FBXW7: variants seen among roughly 807,000 people sequenced by gnomAD.
The protein encoded by FBXW7 is F-box/WD repeat-containing protein 7.
Under a neutral mutation model 86.3 loss-of-function variants are expected in FBXW7, and 11 were observed. The observed-to-expected ratio is 0.13, with a 90% CI of 0.08 to 0.21. The LOEUF is 0.21. Ranked by LOEUF, FBXW7 falls within the 10% of genes least tolerant of loss-of-function variation. The pLI, the probability that FBXW7 is intolerant of heterozygous loss-of-function variation, is 1.00. For missense variants in FBXW7, 488 were observed against 847.4 expected, an observed-to-expected ratio of 0.58 and a Z score of 5.27; for synonymous variants, 313 against 297.9, an observed-to-expected ratio of 1.05 and a Z score of -0.52.
chr4:152,391,361 T>G (rs1352574041), intron 4 of FBXW7, among the ~76,000 whole-genome samples: 3 of 152,180 alleles, frequency 2.0e-5, no homozygotes, highest in Non-Finnish European at 4.4e-5. Flanking sequence ...CAATGTTATT[T>G]TTTGTAGCTG....
chr4:152,520,497 A>T (rs930526109), intron 2 of FBXW7, among the ~76,000 whole-genome samples: 2 of 151,800 alleles, frequency 1.3e-5, no homozygotes, highest in African/African-American at 4.8e-5. Context: ...CTAGTAGGTC[A>T]CTTCTTCACC....
At chr4:152,413,662 A>G (rs373813116) in intron 2 of FBXW7, among the ~76,000 whole-genome samples, 43 of 152,238 alleles carry the variant, frequency 2.8e-4, no homozygotes, top group African/African-American at 1.0e-3. Flanking sequence ...AATCACTACA[A>G]TACTCAAAGA....
At chr4:152,422,100 A>C (rs1484519412) in intron 2 of FBXW7, among the ~76,000 whole-genome samples, 2 of 152,156 alleles carry the variant, frequency 1.3e-5, no homozygotes, top group Non-Finnish European at 2.9e-5. Context: ...AAAAAATCAG[A>C]AGCAAAGTGC....
intron 4 of FBXW7, among the ~76,000 whole-genome samples, chr4:152,393,392 A>G (rs886791532): frequency 6.6e-6 from 1 of 151,898 alleles, no homozygotes; most frequent in Admixed American, 6.6e-5. Context: ...GTGATAATCT[A>G]ACTGATAGAG....
chr4:152,486,068 C>T (rs913998195), intron 2 of FBXW7, among the ~76,000 whole-genome samples: 1 of 152,002 alleles, frequency 6.6e-6, no homozygotes, highest in African/African-American at 2.4e-5. Context: ...TAACATGGTG[C>T]GTCTGAGAAT....
chr4:152,372,626 G>C (rs552849543), intron 4 of FBXW7, among the ~76,000 whole-genome samples: 24 of 151,866 alleles, frequency 1.6e-4, no homozygotes, highest in Non-Finnish European at 3.2e-4. Flanking sequence ...TTTCACACTT[G>C]TTTACCTTGC....
At chr4:152,403,148 C>T (rs1737094069) in intron 4 of FBXW7, among the ~76,000 whole-genome samples, 1 of 152,128 alleles carries the variant, frequency 6.6e-6, no homozygotes, top group South Asian at 2.1e-4. Flanking sequence ...AGGGAAAGCA[C>T]TGATGATTTC....
Position 152,411,853 on chromosome 4 carries a change from G to C in FBXW7, c.-50C>G, listed in dbSNP as rs1737996183. 1 of 1,513,190 alleles carries C rather than the reference G, an allele frequency of 6.6e-7. No individual in the cohort carries two copies. The highest frequency in any genetic ancestry group is 8.8e-7 in the Non-Finnish European group (1 of 1,131,520). The allele number at this position is 1,513,190 out of a possible 1,614,324, so 93.7% of individuals were successfully genotyped here. ...TTGGACCTTGGCTAGACTATCAGAA[G>C]ATGCAAAGGTTTTCACATTCTGCAG... On this transcript the variant is annotated 5_prime_UTR_variant, in exon 4 of 14. It adds an upstream start codon to the 5' untranslated region. Transcript: ENST00000281708.
At chr4:152,327,816 G>T (rs542273203) in intron 11 of FBXW7, among the ~76,000 whole-genome samples, 24 of 152,046 alleles carry the variant, frequency 1.6e-4, no homozygotes, top group African/African-American at 5.8e-4. Flanking sequence ...TGTAAGGTGG[G>T]TAGGTAATTT....
rs919817016 is a variant in FBXW7, at chr4:152,516,201, T to C, written c.-120+18740A>G. On this transcript the variant is annotated intron_variant, in intron 2 of 13. Transcript: ENST00000281708. ...GATAAGCTGCTAAATTTGTGTTAATTTGCTGTAGAGCAGGGGTCCACAACT... is the reference window on the plus strand; with the variant it reads ...GATAAGCTGCTAAATTTGTGTTAATCTGCTGTAGAGCAGGGGTCCACAACT... 2.2e-4 allele frequency among the ~76,000 whole-genome samples: 33 copies of C among 152,352 alleles called. 1 individual carries two copies. The highest frequency in any genetic ancestry group is 7.7e-4 in the African/African-American group (32 of 41,580).
chr4:152,518,124 G>C (rs1056547841), intron 2 of FBXW7, among the ~76,000 whole-genome samples: 8 of 152,066 alleles, frequency 5.3e-5, no homozygotes, highest in African/African-American at 1.9e-4. Context: ...GAGTAGCTGG[G>C]ATTACAGGCA....
At chr4:152,386,328 C>T (rs1204370603) in intron 4 of FBXW7, among the ~76,000 whole-genome samples, 2 of 151,912 alleles carry the variant, frequency 1.3e-5, no homozygotes, top group East Asian at 1.9e-4. Context: ...TAATTTAATT[C>T]GTGTCTCAAG....
chr4:152,435,723 T>C (rs1215866139), intron 2 of FBXW7, among the ~76,000 whole-genome samples: 1 of 152,252 alleles, frequency 6.6e-6, no homozygotes, highest in Non-Finnish European at 1.5e-5. Context: ...TTTACTGCAC[T>C]TCACAAATAG....
intron 4 of FBXW7, among the ~76,000 whole-genome samples, chr4:152,383,344 CAATGGT>C (rs763528532): frequency 2.0e-5 from 3 of 152,094 alleles, no homozygotes; most frequent in Non-Finnish European, 4.4e-5. Context: ...CAAGAACCTT[CAATGGT>C]TCTCCACGGC....
At chr4:152,448,745 A>G (rs1335565482) in intron 2 of FBXW7, among the ~76,000 whole-genome samples, 1 of 152,204 alleles carries the variant, frequency 6.6e-6, no homozygotes, top group African/African-American at 2.4e-5. Context: ...GCTACAGAAG[A>G]TGCCAGCCAC....
intron 4 of FBXW7, among the ~76,000 whole-genome samples, chr4:152,397,558 T>A (rs1736519979): frequency 6.6e-6 from 1 of 151,652 alleles, no homozygotes; most frequent in South Asian, 2.1e-4. Flanking sequence ...CATTAACACC[T>A]TTTGGGGAAG....
chr4:152,430,120 T>C (rs1560887731), intron 2 of FBXW7, among the ~76,000 whole-genome samples: 2 of 152,210 alleles, frequency 1.3e-5, no homozygotes, highest in South Asian at 2.1e-4. Context: ...TCAACAAATC[T>C]GAAATCAGTG....
intron 2 of FBXW7, among the ~76,000 whole-genome samples, chr4:152,425,825 T>C (rs1176474933): frequency 6.6e-6 from 1 of 152,096 alleles, no homozygotes; most frequent in East Asian, 1.9e-4. Context: ...ATATGATAGT[T>C]CTCTAATAGG....
At chr4:152,438,732 A>T (rs1399230624) in intron 2 of FBXW7, among the ~76,000 whole-genome samples, 4 of 152,202 alleles carry the variant, frequency 2.6e-5, no homozygotes, top group African/African-American at 9.7e-5. Context: ...AGTAAGGGAC[A>T]AATGGTACTG....
Sources: allele counts gnomAD v4.1 joint callset (sites outside exome capture counted in the v4.1 genomes callset), GRCh38; gene constraint gnomAD v4.1.1; transcripts MANE v1.5; gene names NCBI Gene and HGNC (gene_info 2026-07-23, HGNC 2026-07-21).